The following MRPL13 variants were observed in gnomAD, a reference collection of about 807,000 sequenced individuals.
MRPL13 encodes the protein mitochondrial ribosomal protein L13.
In MRPL13, 33 loss-of-function variants were observed where a neutral mutation model predicts 29.0. The observed-to-expected ratio is 1.14, with a 90% CI of 0.86 to 1.52. The LOEUF (loss-of-function observed/expected upper bound fraction) is 1.52. Ranked by LOEUF, MRPL13 falls within the 40% of genes most tolerant of loss-of-function variation. MRPL13 has a pLI of 0.00. For synonymous variants in MRPL13, 77 were observed against 68.4 expected, an observed-to-expected ratio of 1.13 and a Z score of -0.62; for missense variants, 227 against 216.7, an observed-to-expected ratio of 1.05 and a Z score of -0.30.
At chr8:120,430,886 A>G (rs921783303) in intron 3 of MRPL13, among the ~76,000 whole-genome samples, 68 of 152,288 alleles carry the variant, frequency 4.5e-4, no homozygotes, top group African/African-American at 1.6e-3. Context: ...AGTAATTACC[A>G]TAGCATTTTG....
At chr8:120,400,617 A>T (rs1213545052) in intron 6 of MRPL13, among the ~76,000 whole-genome samples, 2 of 151,996 alleles carry the variant, frequency 1.3e-5, no homozygotes, top group Non-Finnish European at 2.9e-5. Context: ...AATAACCAAG[A>T]TCAGAGTAGA....
chr8:120,423,151 C>G (rs1311331185), intron 4 of MRPL13, among the ~76,000 whole-genome samples: 2 of 151,506 alleles, frequency 1.3e-5, no homozygotes, highest in Non-Finnish European at 2.9e-5. Flanking sequence ...GAAATTAGCA[C>G]CTCAGAAAAA....
chr8:120,429,002 C>A (rs914288491), intron 3 of MRPL13, among the ~76,000 whole-genome samples: 2 of 152,020 alleles, frequency 1.3e-5, no homozygotes, highest in African/African-American at 4.8e-5. Context: ...TAGGTACATA[C>A]CCTAAGAAAT....
At chr8:120,407,135 T>C (rs767109990) in intron 6 of MRPL13, among the ~76,000 whole-genome samples, 96 of 152,210 alleles carry the variant, frequency 6.3e-4, no homozygotes, top group Non-Finnish European at 1.1e-3. Flanking sequence ...CTCATTAGGA[T>C]GAAATAAGCA....
intron 6 of MRPL13, among the ~76,000 whole-genome samples, chr8:120,403,031 C>T (rs1331730600): frequency 1.3e-5 from 2 of 152,132 alleles, no homozygotes; most frequent in African/African-American, 2.4e-5. Flanking sequence ...AGAAAAAGAA[C>T]ACTTTTACAC....
intron 3 of MRPL13, among the ~76,000 whole-genome samples, chr8:120,426,819 C>G (rs1406984749): frequency 1.3e-5 from 2 of 152,078 alleles, no homozygotes; most frequent in South Asian, 4.1e-4. Flanking sequence ...CATGCTGGAA[C>G]TGGGGACACA....
At position 120,414,000 on chromosome 8, in the gene MRPL13, A is replaced by C; in HGVS notation, c.506T>G (p.Leu169Trp). The C allele has an allele frequency of 6.4e-7, 1 of 1,553,720 alleles. No individual in the cohort carries two copies. The highest frequency in any genetic ancestry group is 8.6e-7 in the Non-Finnish European group (1 of 1,157,618). The change falls in exon 6 of 7, where the codon TTG (leucine) becomes TGG (tryptophan). Residue 169 changes from leucine to tryptophan, a missense_variant. Physicochemically the swap from Leu to Trp is moderately conservative, Grantham distance 61. Transcript: ENST00000306185. ...GAAGGGAAACACTTACGGAGTCCAC[A>C]ATCTTGGGAAGGCGTCTATTTCTTC... ...TQEEIDAFPR[L>W]WTPPEDYRL
At chr8:120,443,361 T>A (rs1172248585) in intron 1 of MRPL13, 53 bp from the exon 2 acceptor site, 16 of 1,390,300 alleles carry the variant, frequency 1.2e-5, no homozygotes, top group Non-Finnish European at 1.5e-5. Context: ...ATAATTATCA[T>A]TAAAATGGAA....
At chr8:120,425,180 C>T in intron 4 of MRPL13, 126 bp downstream of exon 4, 1 of 637,852 alleles carries the variant, frequency 1.6e-6, no homozygotes, top group South Asian at 2.4e-5. Flanking sequence ...GTGTGTGATA[C>T]AGCTAAAGTG....
chr8:120,419,804 T>G (rs1205722212), intron 5 of MRPL13, 48 bp downstream of exon 5: 1 of 1,382,712 alleles, frequency 7.2e-7, no homozygotes, highest in African/African-American at 1.5e-5. Flanking sequence ...ATGAAACATT[T>G]AATTGAAAAT....
intron 6 of MRPL13, among the ~76,000 whole-genome samples, chr8:120,396,993 A>G (rs544613050): frequency 6.6e-6 from 1 of 152,334 alleles, no homozygotes; most frequent in Non-Finnish European, 1.5e-5. Context: ...CTAGGCGGAC[A>G]ACTCGACCCA....
intron 4 of MRPL13, among the ~76,000 whole-genome samples, chr8:120,424,243 T>C (rs1037062604): frequency 5.3e-5 from 8 of 152,158 alleles, no homozygotes; most frequent in Admixed American, 5.2e-4. Context: ...TGATCAATTG[T>C]TTAGAAAGAT....
intron 5 of MRPL13, among the ~76,000 whole-genome samples, chr8:120,418,829 A>C (rs1487225357): frequency 2.0e-5 from 3 of 152,074 alleles, no homozygotes; most frequent in Non-Finnish European, 4.4e-5. Context: ...GGTAAAGTGA[A>C]TAGTGGGAAA....
intron 2 of MRPL13, among the ~76,000 whole-genome samples, chr8:120,439,262 T>C (rs576443187): frequency 1.3e-5 from 2 of 152,354 alleles, no homozygotes; most frequent in South Asian, 4.1e-4. Context: ...GTGGACTTTT[T>C]CTTAGTGACT....
At chr8:120,425,403 G>T in intron 3 of MRPL13, 37 bp from the exon 4 acceptor site, 2 of 1,375,180 alleles carry the variant, frequency 1.5e-6, no homozygotes, top group Non-Finnish European at 2.1e-6. Flanking sequence ...ACTGGGCATA[G>T]GCTGATACTG....
intron 3 of MRPL13, among the ~76,000 whole-genome samples, chr8:120,429,582 C>G (rs1457446008): frequency 6.6e-6 from 1 of 150,850 alleles, no homozygotes; most frequent in African/African-American, 2.4e-5. Context: ...AAAAACAGAA[C>G]AATGATCAAG....
At chr8:120,425,459 A>T (rs1405292295) in intron 3 of MRPL13, 93 bp from the exon 4 acceptor site, 1 of 907,420 alleles carries the variant, frequency 1.1e-6, no homozygotes, top group East Asian at 2.7e-5. Context: ...ATTTTAATAA[A>T]TTGTTTCTCG....
At chr8:120,431,960 T>G in intron 3 of MRPL13, 70 bp downstream of exon 3, 1 of 1,079,206 alleles carries the variant, frequency 9.3e-7, no homozygotes, top group Non-Finnish European at 1.3e-6. Flanking sequence ...TTCTTTTAAG[T>G]AAGAACAACT....
chr8:120,416,169 G>A (rs1812799852), intron 5 of MRPL13: 1 of 152,182 alleles, frequency 6.6e-6, no homozygotes, highest in South Asian at 2.1e-4. Context: ...GGTAACCCAT[G>A]AATGCTAACT....
Sources: gnomAD v4.1 joint callset for allele counts (sites outside exome capture counted in the v4.1 genomes callset) on GRCh38, gnomAD v4.1.1 for gene constraint, MANE v1.5 for transcripts, NCBI Gene and HGNC (gene_info 2026-07-23, HGNC 2026-07-21) for gene names.